ZHX3: variants seen among roughly 807,000 people sequenced by gnomAD.
The protein encoded by ZHX3 is zinc fingers and homeoboxes 3.
A neutral mutation model predicts 64.5 loss-of-function variants in ZHX3; 20 were observed. The ratio of observed to expected loss-of-function variants is 0.31; its 90% CI spans 0.22 to 0.45. ZHX3 has a LOEUF of 0.45. ZHX3 is among the 20% of genes least tolerant of loss of function. ZHX3 has a pLI of 1.00. For missense variants in ZHX3, 1,041 were observed against 1,195.8 expected (o/e 0.87, Z 1.91); for synonymous variants, 423 against 461.6 (o/e 0.92, Z 1.07).
rs2042317100 is a variant in ZHX3 at position 41,257,440 on chromosome 20, G to A, written c.-151+11550C>T. On this transcript the variant is annotated intron_variant, in intron 2 of 3. Coordinates refer to ENST00000683867, the MANE Select transcript of ZHX3 (RefSeq NM_001384317.1). ...AAATGAGCCTATAGGCAGCACTGTG[G>A]ACAGTCATCATTCATATTTTACCCA... Among the ~76,000 whole-genome samples, 10 of 152,204 alleles carry A rather than the reference G, an allele frequency of 6.6e-5. No homozygotes were observed. In the South Asian group the frequency reaches 2.1e-3, roughly 32 times the overall value.
In ZHX3 at chr20:41,235,627, T is replaced by C. The variant is rs1489148616; in HGVS notation, c.-150-30561A>G. 3.3e-5 allele frequency among the ~76,000 whole-genome samples: 5 copies of C among 152,178 alleles called. No individual in the cohort carries two copies. In the East Asian group the frequency reaches 5.8e-4, roughly 18 times the overall value. Reference sequence around the variant, plus strand: ...GGTATTGATGGGACGTATCTCAAAATAGTAAGAGCTATCTATGACAAACCC... The same window carrying C: ...GGTATTGATGGGACGTATCTCAAAACAGTAAGAGCTATCTATGACAAACCC... On this transcript the variant is annotated intron_variant, in intron 2 of 3. Coordinates refer to ENST00000683867, the MANE Select transcript of ZHX3 (RefSeq NM_001384317.1).
At chr20:41,305,544 G>A (rs1219156173) in intron 1 of ZHX3, among the ~76,000 whole-genome samples, 3 of 151,710 alleles carry the variant, frequency 2.0e-5, no homozygotes, top group African/African-American at 7.3e-5. Context: ...CAGCACTTTG[G>A]GAGGCCGGGA....
At position 41,227,211 on chromosome 20, in the gene ZHX3, A is replaced by G. The variant is rs573646676; in HGVS notation, c.-150-22145T>C. On this transcript the variant is annotated intron_variant, in intron 2 of 3. Coordinates refer to ENST00000683867, the MANE Select transcript of ZHX3 (RefSeq NM_001384317.1). Reference sequence around the variant, plus strand: ...TGGGGTGGGGGGCAGCAGAACAGAGATGTTGACAGCCAAATGGAAGATGCA... The same window carrying G: ...TGGGGTGGGGGGCAGCAGAACAGAGGTGTTGACAGCCAAATGGAAGATGCA... 7.9e-5 allele frequency among the ~76,000 whole-genome samples: 12 copies of G among 152,290 alleles called. 1 individual carries two copies. Among genetic ancestry groups the G allele is most frequent in the Admixed American group, 7.2e-4 (11 of 15,294 alleles).
intron 2 of ZHX3, among the ~76,000 whole-genome samples, chr20:41,206,023 C>T (rs1189880367): frequency 6.6e-6 from 1 of 152,156 alleles, no homozygotes; most frequent in Non-Finnish European, 1.5e-5. Flanking sequence ...TTGGTGATAC[C>T]CAGGCAAACA....
At position 41,203,156 on chromosome 20, in the gene ZHX3, G is replaced by A. The variant is rs1465870180; in HGVS notation, c.1761C>T (p.Cys587=). 1.2e-6 allele frequency: 2 copies of A among 1,614,054 alleles called. No homozygotes were observed. The highest frequency in any genetic ancestry group is 1.7e-6 in the Non-Finnish European group (2 of 1,180,040). ...SPSSKVPEVT[C]IPTTATLATH... is the part of the protein sequence containing the mutation. ...TTGCTAGTGTGGCTGTTGTCGGAATGCAGGTTACCTCAGGGACCTTGGACG... is the reference window on the plus strand; with the variant it reads ...TTGCTAGTGTGGCTGTTGTCGGAATACAGGTTACCTCAGGGACCTTGGACG... The change falls in exon 3 of 4, where the codon TGC becomes TGT. Residue 587 remains cysteine, a synonymous_variant. Coordinates refer to ENST00000683867, the MANE Select transcript of ZHX3 (RefSeq NM_001384317.1). This position sits in a 1 kb window ranked among gnomAD's most constrained non-coding sequence, Gnocchi z 7.1.
At chr20:41,293,757 G>A (rs996431352) in intron 1 of ZHX3, among the ~76,000 whole-genome samples, 23 of 152,206 alleles carry the variant, frequency 1.5e-4, no homozygotes, top group Non-Finnish European at 5.9e-5. Flanking sequence ...TGAAGAAGAG[G>A]TGACAATGTG....
chr20:41,270,781 C>T (rs1193568814), intron 1 of ZHX3, among the ~76,000 whole-genome samples: 1 of 152,154 alleles, frequency 6.6e-6, no homozygotes, highest in African/African-American at 2.4e-5. Context: ...ATCTATTTCA[C>T]TTTTTCTGCT....
rs2038511562 is a variant in ZHX3, at chr20:41,204,234, C to T, written c.683G>A (p.Gly228Glu). The T allele has an allele frequency of 1.2e-6, 2 of 1,613,804 alleles. No homozygotes were observed. Among genetic ancestry groups the T allele is most frequent in the South Asian group, 2.2e-5 (2 of 91,030 alleles). The change falls in exon 3 of 4, where the codon GGG becomes GAG. Residue 228 changes from glycine to glutamate, a missense_variant. This residue lies in a region of ZHX3 where 358 missense variants were observed against 369.1 expected (regional missense o/e 0.97). Transcript: ENST00000683867. The surrounding 1 kb of genome is among the most constrained non-coding windows in gnomAD (Gnocchi z 6.6). The stretch of plus-strand genomic sequence containing the variant: ...TGCCCCATTGATGAAGGAATGGTCC[C>T]CCTCTCTCACCTCCATTTCTCCAGT... ...LSTGEMEVRE[G>E]DHSFINGAVP...
At chr20:41,273,783 C>G (rs554616116) in intron 1 of ZHX3, among the ~76,000 whole-genome samples, 1 of 152,160 alleles carries the variant, frequency 6.6e-6, no homozygotes, top group Non-Finnish European at 1.5e-5. Context: ...CATGAATACT[C>G]CAACTTTGTT....
rs1269785422 is a variant in ZHX3, at chr20:41,250,398, T to C, written c.-151+18592A>G. Among the ~76,000 whole-genome samples the C allele has an allele frequency of 2.6e-5, 4 of 152,180 alleles. No individual in the cohort carries two copies. In the East Asian group the frequency reaches 5.8e-4, roughly 22 times the overall value. ...CCGAAGTAGATTTTAAAAAATCACC[T>C]GTTGGCCAGGCGTGGTAGCTCATGT... On this transcript the variant is annotated intron_variant, in intron 2 of 3. Coordinates refer to ENST00000683867, the MANE Select transcript of ZHX3 (RefSeq NM_001384317.1).
chr20:41,241,508 C>T (rs981540127), intron 2 of ZHX3, among the ~76,000 whole-genome samples: 1 of 152,128 alleles, frequency 6.6e-6, no homozygotes, highest in African/African-American at 2.4e-5. Flanking sequence ...AGCTTTTTAA[C>T]TTGATGTGAT....
At chr20:41,186,435 A>T (rs981947173) in intron 3 of ZHX3, among the ~76,000 whole-genome samples, 1 of 152,332 alleles carries the variant, frequency 6.6e-6, no homozygotes, top group East Asian at 1.9e-4. Context: ...GGCTACTGTG[A>T]ATAATGCCAC....
intron 1 of ZHX3, among the ~76,000 whole-genome samples, chr20:41,298,669 G>A (rs894671862): frequency 6.6e-6 from 1 of 152,172 alleles, no homozygotes; most frequent in Non-Finnish European, 1.5e-5. Context: ...TGTCAGCCAG[G>A]AGTAAGTTTA....
chr20:41,197,700 CTATT>C (rs1600734517), intron 3 of ZHX3, among the ~76,000 whole-genome samples: 1 of 151,964 alleles, frequency 6.6e-6, no homozygotes, highest in East Asian at 1.9e-4. Context: ...TGCCATTTGG[CTATT>C]TGTTTTTAAT....
At position 41,226,193 on chromosome 20, in the gene ZHX3, C is replaced by T. The variant is rs772763045; in HGVS notation, c.-150-21127G>A. On this transcript the variant is annotated intron_variant, in intron 2 of 3. Transcript: ENST00000683867. The surrounding 1 kb of genome is among the most constrained non-coding windows in gnomAD (Gnocchi z 4.4). ...CGGGTGGATCATGAGGTCAGGAGATCGAAACCATTTTGGCTAACATGGTGA... is the reference window on the plus strand; with the variant it reads ...CGGGTGGATCATGAGGTCAGGAGATTGAAACCATTTTGGCTAACATGGTGA... Among the ~76,000 whole-genome samples the T allele has an allele frequency of 5.9e-5, 9 of 151,880 alleles. No homozygotes were observed. Among genetic ancestry groups the T allele is most frequent in the Non-Finnish European group, 8.8e-5 (6 of 67,976 alleles).
intron 2 of ZHX3, among the ~76,000 whole-genome samples, chr20:41,229,666 G>A (rs1046785299): frequency 4.6e-5 from 7 of 152,026 alleles, no homozygotes; most frequent in African/African-American, 1.7e-4. Flanking sequence ...TTAACGTTGA[G>A]TATTTTTAAT....
At chr20:41,282,526 T>A (rs529670828) in intron 1 of ZHX3, among the ~76,000 whole-genome samples, 3 of 152,174 alleles carry the variant, frequency 2.0e-5, no homozygotes, top group African/African-American at 7.2e-5. Context: ...ACCTGGCTAA[T>A]TTTTTGTAAT....
chr20:41,191,675 C>T (rs528720416), intron 3 of ZHX3, among the ~76,000 whole-genome samples: 11 of 152,254 alleles, frequency 7.2e-5, no homozygotes, highest in South Asian at 4.1e-4. Context: ...TTTTCCTAGA[C>T]GTATCTATGG....
intron 1 of ZHX3, among the ~76,000 whole-genome samples, chr20:41,270,110 G>A (rs1463152803): frequency 6.6e-6 from 1 of 152,318 alleles, no homozygotes; most frequent in South Asian, 2.1e-4. Context: ...ATTATGTTAA[G>A]GCCGGGTACG....
Sources: allele counts gnomAD v4.1 joint callset (sites outside exome capture counted in the v4.1 genomes callset), GRCh38; gene constraint gnomAD v4.1.1; regional missense constraint gnomAD v4.1.1; non-coding constraint Gnocchi (gnomAD v3.1); transcripts MANE v1.5; gene names NCBI Gene and HGNC (gene_info 2026-07-23, HGNC 2026-07-21).